Variants in ZFYVE26 observed in about 807,000 individuals in gnomAD.
ZFYVE26 encodes the protein zinc finger FYVE domain-containing protein 26.
Under a neutral mutation model 276.5 loss-of-function variants are expected in ZFYVE26, and 181 were observed. The observed-to-expected ratio is 0.65, with a 90% CI of 0.58 to 0.74. The LOEUF (loss-of-function observed/expected upper bound fraction) is 0.74, where lower values mean the gene tolerates loss of function less well. Among genes scored for constraint, ZFYVE26 ranks in the 30% least tolerant of loss-of-function variants. The pLI is 0.00. For synonymous variants in ZFYVE26, 1,129 were observed against 1,203.1 expected (o/e 0.94, Z 1.27); for missense variants, 2,821 against 3,097.9 (o/e 0.91, Z 2.12).
At chr14:67,743,154 C>T (rs1473487787), downstream of ZFYVE26, among the ~76,000 whole-genome samples, 2 of 151,964 alleles carry the variant, frequency 1.3e-5, no homozygotes, top group South Asian at 2.1e-4. Flanking sequence ...AGGTTCTAAC[C>T]AGGCAGCATG....
At position 67,813,354 on chromosome 14, in the gene ZFYVE26, T is replaced by A. The variant is rs190032417; in HGVS notation, c.273+632A>T. ...GAGGTTCTTCACTTAAATCTCAAAG[T>A]CTGAAGTTCAATATGAAAATGTCTC... is the stretch of plus-strand genomic sequence containing the variant. On this transcript the variant is annotated intron_variant, in intron 3 of 41. Transcript: ENST00000347230. Among the ~76,000 whole-genome samples the A allele has an allele frequency of 1.3e-3, 197 of 152,282 alleles. 5 individuals carry two copies. The highest frequency in any genetic ancestry group is 1.0e-4 in the Non-Finnish European group (7 of 68,010).
chr14:67,782,665 G>A, intron 21 of ZFYVE26, 115 bp downstream of exon 21: 1 of 1,525,108 alleles, frequency 6.6e-7, no homozygotes, highest in South Asian at 1.1e-5. Flanking sequence ...TTAATAACAT[G>A]AGATTATAGT....
rs756986949 is a variant in ZFYVE26, at chr14:67,785,218, C to T, written c.3364G>A (p.Ala1122Thr). 2 of 1,613,886 alleles carry T rather than the reference C, an allele frequency of 1.2e-6. No individual in the cohort carries two copies. The highest frequency in any genetic ancestry group is 1.7e-6 in the Non-Finnish European group (2 of 1,179,856). ...TGGATCTGCACAGGGTGGGCCTCTG[C>T]CTCTGGAGCTTTCTGGGCTGCCTGC... ...VEQAAQKAPE[A>T]EAHPVQIQTQ... is the part of the protein sequence containing the mutation. Residue 1122 changes from alanine (A) to threonine (T), a missense_variant, in exon 19 of 42, where the codon GCA becomes ACA. Coordinates refer to ENST00000347230, the MANE Select transcript of ZFYVE26 (RefSeq NM_015346.4).
intron 16 of ZFYVE26, among the ~76,000 whole-genome samples, chr14:67,788,889 T>C (rs2039734536): frequency 6.6e-6 from 1 of 152,224 alleles, no homozygotes; most frequent in Admixed American, 6.5e-5. Context: ...TGCCTTCACA[T>C]ACCTGATTTC....
In ZFYVE26 at chr14:67,775,959, G is replaced by C. The variant is rs1450585471; in HGVS notation, c.5122C>G (p.Gln1708Glu). 1 of 1,614,204 alleles carries C rather than the reference G, an allele frequency of 6.2e-7. No homozygotes were observed. Among genetic ancestry groups the C allele is most frequent in the Admixed American group, 1.7e-5 (1 of 60,026 alleles). Residue 1708 changes from glutamine (Q) to glutamate (E), a missense_variant, in exon 26 of 42, where the codon CAG becomes GAG. By Grantham distance (29) the Gln-to-Glu change is conservative (BLOSUM62 2). Coordinates refer to ENST00000347230, the MANE Select transcript of ZFYVE26 (RefSeq NM_015346.4). ...TCGTCCATAGTGAAGCCAATCTCCT[G>C]TCCAACCAGCAGCTGCTGGAGAGTC... ...VQTLQQLLVG[Q>E]EIGFTMDEVD...
In ZFYVE26 at chr14:67,777,596, C is replaced by G; in HGVS notation, c.4937G>C (p.Arg1646Pro). Residue 1646 changes from arginine to proline, a missense_variant, in exon 25 of 42, where the codon CGA (arginine) becomes CCA (proline). Arg to Pro is a moderately radical substitution (Grantham distance 103, BLOSUM62 -2). Coordinates refer to ENST00000347230, the MANE Select transcript of ZFYVE26 (RefSeq NM_015346.4). ...ATACAGCGCCTGGATTTCACGGTGT[C>G]GGACAGCAGTCAGTTGTCCATAGAA... is the stretch of plus-strand genomic sequence containing the variant. ...THFYGQLTAVRHREIQALYVG... is the reference protein window; with the variant it reads ...THFYGQLTAVPHREIQALYVG... The G allele has an allele frequency of 3.7e-6, 6 of 1,614,040 alleles. No homozygotes were observed. Among genetic ancestry groups the G allele is most frequent in the Non-Finnish European group, 5.1e-6 (6 of 1,180,014 alleles).
intron 5 of ZFYVE26, 107 bp from the exon 6 acceptor site, chr14:67,806,782 T>C (rs552212241): frequency 1.4e-6 from 2 of 1,379,880 alleles, no homozygotes; most frequent in South Asian, 2.4e-5. Context: ...TTTAAAAACT[T>C]AGGCTGGGTT....
At chr14:67,788,690 G>A (rs1265194975) in intron 16 of ZFYVE26, among the ~76,000 whole-genome samples, 1 of 152,174 alleles carries the variant, frequency 6.6e-6, no homozygotes, top group South Asian at 2.1e-4. Flanking sequence ...TGAACCTGGG[G>A]GTGGACTTGG....
intron 5 of ZFYVE26, among the ~76,000 whole-genome samples, chr14:67,807,051 T>A (rs1314127383): frequency 1.3e-5 from 2 of 152,174 alleles, no homozygotes; most frequent in East Asian, 3.8e-4. Flanking sequence ...TGCCTCAGCC[T>A]TCCTGCCTGT....
chr14:67,733,398 T>C (rs1211053935), intron 13 of ZFYVE26, among the ~76,000 whole-genome samples: 1 of 152,248 alleles, frequency 6.6e-6, no homozygotes, highest in Non-Finnish European at 1.5e-5. Context: ...GTAGTAGTGA[T>C]ACCTGTGACT....
Position 67,790,655 on chromosome 14 carries a change from T to A in ZFYVE26, c.2672A>T (p.Asn891Ile). 6.2e-7 allele frequency: 1 copy of A among 1,614,144 alleles called. No homozygotes were observed. Among genetic ancestry groups the A allele is most frequent in the African/African-American group, 1.3e-5 (1 of 75,032 alleles). ...AATGGTGCTGCTACCCGCATCTGAG[T>A]TCTGGTTTTCAATCTTGTGCTCTAC... is the stretch of plus-strand genomic sequence containing the variant. ...AQVEHKIENQ[N>I]SDAGSSTIRR... The change falls in exon 15 of 42, where the codon AAC (asparagine) becomes ATC (isoleucine). Residue 891 changes from asparagine (N) to isoleucine (I), a missense_variant. By Grantham distance (149) the Asn-to-Ile change is moderately radical. Coordinates refer to ENST00000347230, the MANE Select transcript of ZFYVE26 (RefSeq NM_015346.4).
rs766626194 is a variant in ZFYVE26, at chr14:67,748,467, C to T, written c.7589G>A (p.Arg2530Gln). Reference protein sequence around the residue: ...CAQWLLTSHPRGAHGPGSRK With the variant: ...CAQWLLTSHPQGAHGPGSRK ...CCTGGAGCCTGGGCCATGGGCACCC[C>T]GGGGGTGGCTTGTCAGAAGCCACTG... The change falls in exon 42 of 42, where the codon CGG becomes CAG. Residue 2530 changes from arginine (R) to glutamine (Q), a missense_variant. Transcript: ENST00000347230. 8.7e-6 allele frequency: 14 copies of T among 1,612,626 alleles called. No individual in the cohort carries two copies. The highest frequency in any genetic ancestry group is 5.5e-5 in the South Asian group (5 of 91,030).
intron 5 of ZFYVE26, 64 bp downstream of exon 5, chr14:67,807,334 C>T: frequency 1.2e-6 from 2 of 1,604,104 alleles, no homozygotes; most frequent in Admixed American, 1.7e-5. Flanking sequence ...AGTCTAGAGC[C>T]TCCAGCAAGG....
At chr14:67,809,406 C>CTATTTTTTTTTTT (rs1566899149) in intron 3 of ZFYVE26, 117 bp from the exon 4 acceptor site, 1 of 223,334 alleles carries the variant, frequency 4.5e-6, no homozygotes. Context: ...AGATGAAGCA[C>CTATTTTTTTTTTT]TCTTTTTTTT....
intron 13 of ZFYVE26, 78 bp downstream of exon 13, chr14:67,794,093 G>T (rs2039891966): frequency 2.7e-6 from 4 of 1,479,224 alleles, no homozygotes; most frequent in African/African-American, 2.8e-5. Flanking sequence ...CTCAATCCTG[G>T]CTTTACACCA....
chr14:67,757,605 A>G (rs1262414155), intron 35 of ZFYVE26, among the ~76,000 whole-genome samples: 1 of 151,350 alleles, frequency 6.6e-6, no homozygotes, highest in Admixed American at 6.6e-5. Flanking sequence ...TCTCATGTTT[A>G]CTATCTCTCT....
At chr14:67,768,291 G>C (rs1288572241) in intron 30 of ZFYVE26, among the ~76,000 whole-genome samples, 3 of 152,218 alleles carry the variant, frequency 2.0e-5, no homozygotes, top group African/African-American at 2.4e-5. Flanking sequence ...CAAATTATTT[G>C]GTTGCTGGCC....
At chr14:67,813,910 A>G in intron 3 of ZFYVE26, 76 bp downstream of exon 3, 1 of 1,033,024 alleles carries the variant, frequency 9.7e-7, no homozygotes, top group Non-Finnish European at 1.5e-6. Context: ...TAACAGACAG[A>G]AGGGAAATCC....
Position 67,785,983 on chromosome 14 carries a change from C to T in ZFYVE26, c.3179G>A (p.Ser1060Asn). ...EEKGGGPPRC[S>N]ITELLQMCWP... ...GCACATCTGAAGCAGTTCAGTGATG[C>T]TGCACCGTGGAGGGCCTCCTCCCTT... Residue 1060 changes from serine (S) to asparagine (N), a missense_variant, in exon 18 of 42, where the codon AGC becomes AAC. Transcript: ENST00000347230. The T allele has an allele frequency of 6.2e-7, 1 of 1,614,214 alleles. No homozygotes were observed. Among genetic ancestry groups the T allele is most frequent in the Non-Finnish European group, 8.5e-7 (1 of 1,180,048 alleles).
Sources: gnomAD v4.1 joint callset for allele counts (sites outside exome capture counted in the v4.1 genomes callset) on GRCh38, gnomAD v4.1.1 for gene constraint, MANE v1.5 for transcripts, NCBI Gene and HGNC (gene_info 2026-07-23, HGNC 2026-07-21) for gene names.